Variants in SGCD observed in about 807,000 individuals in gnomAD.
SGCD encodes the protein delta-sarcoglycan.
A neutral mutation model predicts 36.6 loss-of-function variants in SGCD; 18 were observed. That is an observed-to-expected ratio of 0.49 (90% CI 0.34 to 0.73). The LOEUF is 0.73. SGCD is among the 30% of genes least tolerant of loss of function. The pLI, the probability that SGCD is intolerant of heterozygous loss-of-function variation, is 0.01. For synonymous variants in SGCD, 133 were observed against 130.6 expected (o/e 1.02, Z -0.12); for missense variants, 387 against 346.7 (o/e 1.12, Z -0.92).
At chr5:156,694,156 A>G (rs2113712720) in intron 7 of SGCD, among the ~76,000 whole-genome samples, 1 of 152,292 alleles carries the variant, frequency 6.6e-6, no homozygotes, top group Non-Finnish European at 1.5e-5. Flanking sequence ...GCTGCAATAC[A>G]TTGTCTAATT....
At chr5:156,409,984 A>G (rs1772656581) in intron 3 of SGCD, among the ~76,000 whole-genome samples, 1 of 152,280 alleles carries the variant, frequency 6.6e-6, no homozygotes, top group Middle Eastern at 3.4e-3. Flanking sequence ...GTATGAAGTA[A>G]TATGTTACCA....
chr5:155,732,096 C>G, the SGCD span, among the ~76,000 whole-genome samples: 5 of 152,168 alleles, frequency 3.3e-5, no homozygotes, highest in African/African-American at 1.2e-4. Flanking sequence ...GCAGATGGCT[C>G]CTCTGGTTGA....
At position 156,761,168 on chromosome 5, in the gene SGCD, T is replaced by C. The variant is rs1349804893; in HGVS notation, c.*1778T>C. On this transcript the variant is annotated 3_prime_UTR_variant, in exon 9 of 9. Transcript: ENST00000337851. ...GATTTGATATTTTTTGAGATGACAC[T>C]CAAGCATCAGGCTGAGATTTGCACA... 6.6e-6 allele frequency: 1 copy of C among 152,220 alleles called. No homozygotes were observed. Among genetic ancestry groups the C allele is most frequent in the African/African-American group, 2.4e-5 (1 of 41,458 alleles). 9.4% of individuals were successfully genotyped at this position (152,220 alleles called of 1,614,324 possible). A position where few individuals can be genotyped will look rare whatever the true frequency, so the allele number is the denominator to read the frequency against.
At chr5:156,139,317 G>A (rs1185951608) in intron 3 of SGCD, among the ~76,000 whole-genome samples, 1 of 151,880 alleles carries the variant, frequency 6.6e-6, no homozygotes, top group African/African-American at 2.4e-5. Flanking sequence ...TTTATATTTA[G>A]GGTAGCAGTC....
the SGCD span, among the ~76,000 whole-genome samples, chr5:155,783,907 A>T: frequency 6.6e-6 from 1 of 152,152 alleles, no homozygotes; most frequent in Non-Finnish European, 1.5e-5. Flanking sequence ...ACATGGAGAG[A>T]AGGAGTGGGT....
At chr5:155,771,525 G>A in the SGCD span, among the ~76,000 whole-genome samples, 1 of 151,904 alleles carries the variant, frequency 6.6e-6, no homozygotes, top group African/African-American at 2.4e-5. Context: ...CCAGGTTCAA[G>A]CGATTCTCCT....
chr5:156,087,832 G>A (rs1761139822), intron 1 of SGCD, among the ~76,000 whole-genome samples: 1 of 152,142 alleles, frequency 6.6e-6, no homozygotes, highest in East Asian at 1.9e-4. Context: ...CTAGGTGATT[G>A]TACCAGCGAA....
At chr5:155,854,589 G>C in the SGCD span, among the ~76,000 whole-genome samples, 1 of 152,164 alleles carries the variant, frequency 6.6e-6, no homozygotes, top group East Asian at 1.9e-4. Flanking sequence ...AAATGTTTCT[G>C]CTATTAAGAA....
intron 1 of SGCD, among the ~76,000 whole-genome samples, chr5:155,969,530 A>G (rs1291242807): frequency 1.3e-5 from 2 of 152,162 alleles, no homozygotes; most frequent in Admixed American, 6.6e-5. Context: ...GCCCAGAGAC[A>G]TTGAATTTGA....
chr5:156,740,367 G>A (rs1230462736), intron 7 of SGCD, among the ~76,000 whole-genome samples: 3 of 152,198 alleles, frequency 2.0e-5, no homozygotes, highest in Admixed American at 6.5e-5. Flanking sequence ...AAGATTCAAC[G>A]AGTGCTAATG....
At chr5:156,321,284 G>A (rs867855529) in intron 3 of SGCD, among the ~76,000 whole-genome samples, 2 of 152,186 alleles carry the variant, frequency 1.3e-5, no homozygotes, top group Non-Finnish European at 1.5e-5. Flanking sequence ...GCCAGGCATG[G>A]TGGTGGGCGC....
chr5:156,025,166 C>CCTCA (rs1346259054), intron 1 of SGCD, among the ~76,000 whole-genome samples: 1 of 152,106 alleles, frequency 6.6e-6, no homozygotes, highest in Non-Finnish European at 1.5e-5. Context: ...ATTTAGTGAT[C>CCTCA]CTCATCACTT....
intron 4 of SGCD, among the ~76,000 whole-genome samples, chr5:156,560,042 A>AT (rs577654312): frequency 5.8e-4 from 89 of 152,318 alleles, no homozygotes; most frequent in Middle Eastern, 3.4e-3. Flanking sequence ...AGAGGTTAGA[A>AT]ATGTAAGTAT....
intron 4 of SGCD, among the ~76,000 whole-genome samples, chr5:156,585,230 G>A (rs1387352445): frequency 6.6e-6 from 1 of 151,948 alleles, no homozygotes; most frequent in African/African-American, 2.4e-5. Context: ...CAAAACAATA[G>A]AAATCTACCC....
At chr5:156,231,420 C>G (rs1178258337) in intron 3 of SGCD, among the ~76,000 whole-genome samples, 1 of 152,114 alleles carries the variant, frequency 6.6e-6, no homozygotes, top group Admixed American at 6.6e-5. Flanking sequence ...CTTGTAATTC[C>G]AGCTACTTGG....
chr5:156,558,171 G>C (rs924082971), intron 4 of SGCD, among the ~76,000 whole-genome samples: 1 of 140,894 alleles, frequency 7.1e-6, no homozygotes, highest in Non-Finnish European at 1.5e-5. Context: ...ATTAAGTGTG[G>C]TCTCTAGACT....
chr5:156,498,871 A>C (rs965130499), intron 3 of SGCD, among the ~76,000 whole-genome samples: 3 of 151,736 alleles, frequency 2.0e-5, no homozygotes, highest in Non-Finnish European at 4.4e-5. Flanking sequence ...GCAACATTTT[A>C]TGTTCCCCTT....
chr5:156,409,268 C>A (rs1239555925), intron 3 of SGCD, among the ~76,000 whole-genome samples: 2 of 152,150 alleles, frequency 1.3e-5, no homozygotes, highest in Non-Finnish European at 2.9e-5. Context: ...AAATTCAACA[C>A]CCTTTGTTCA....
the SGCD span, among the ~76,000 whole-genome samples, chr5:155,811,109 G>A: frequency 6.6e-6 from 1 of 151,970 alleles, no homozygotes; most frequent in Non-Finnish European, 1.5e-5. Context: ...GAGCCACCGC[G>A]CCCGGCCTAG....
Sources: allele counts gnomAD v4.1 joint callset (sites outside exome capture counted in the v4.1 genomes callset), GRCh38; gene constraint gnomAD v4.1.1; transcripts MANE v1.5; gene names NCBI Gene and HGNC (gene_info 2026-07-23, HGNC 2026-07-21).